Variants in MTAP observed in about 807,000 individuals in gnomAD.
MTAP encodes methylthioadenosine phosphorylase.
A neutral mutation model predicts 33.6 loss-of-function variants in MTAP; 33 were observed. The observed-to-expected ratio is 0.98, with a 90% CI of 0.74 to 1.31. The LOEUF (loss-of-function observed/expected upper bound fraction) is 1.31. Among genes scored for constraint, MTAP ranks in the 40% most tolerant of loss-of-function variants. The probability of loss-of-function intolerance (pLI) is 0.00; values close to 1 mark genes in which losing one functional copy is unlikely to be tolerated. For synonymous variants in MTAP, 148 were observed against 125.7 expected, an observed-to-expected ratio of 1.18 and a Z score of -1.19; for missense variants, 367 against 360.0, an observed-to-expected ratio of 1.02 and a Z score of -0.16.
intron 1 of MTAP, among the ~76,000 whole-genome samples, chr9:21,916,032 AAGAC>A (rs1294279007): frequency 1.4e-5 from 2 of 141,946 alleles, no homozygotes; most frequent in African/African-American, 5.1e-5. Context: ...TGTGTTTCGA[AAGAC>A]AGAGAGAAGG....
rs1255272523 is a variant in MTAP, at chr9:21,848,870, G to A, written c.451-5761G>A. On this transcript the variant is annotated intron_variant, in intron 5 of 7. Coordinates refer to ENST00000644715, the MANE Select transcript of MTAP (RefSeq NM_002451.4). ...ATTCCAAGGCAGCAGGGGCCATGGC[G>A]GCACTCAGCTGTCAAAGGCAAGGTG... is the stretch of plus-strand genomic sequence containing the variant. Among the ~76,000 whole-genome samples the A allele has an allele frequency of 2.6e-5, 4 of 152,240 alleles. No homozygotes were observed. In the East Asian group the frequency reaches 5.8e-4, roughly 22 times the overall value.
chr9:21,806,474 G>C (rs755659500), intron 1 of MTAP, among the ~76,000 whole-genome samples: 1 of 152,126 alleles, frequency 6.6e-6, no homozygotes, highest in African/African-American at 2.4e-5. Context: ...GCTGGTTAGG[G>C]GGCCAGAGGC....
chr9:21,813,725 G>C (rs1381553202), intron 1 of MTAP: 1 of 152,214 alleles, frequency 6.6e-6, no homozygotes, highest in Non-Finnish European at 1.5e-5. Context: ...GGAGCTGGCT[G>C]AGAGTAATTT....
chr9:21,848,874 C>G (rs1474853396), intron 5 of MTAP, among the ~76,000 whole-genome samples: 1 of 152,132 alleles, frequency 6.6e-6, no homozygotes, highest in Admixed American at 6.6e-5. Flanking sequence ...CATGGCGGCA[C>G]TCAGCTGTCA....
In MTAP at chr9:21,816,748, A is replaced by C; in HGVS notation, c.155A>C (p.Asn52Thr). 3 of 1,612,446 alleles carry C rather than the reference A, an allele frequency of 1.9e-6. No homozygotes were observed. Among genetic ancestry groups the C allele is most frequent in the Non-Finnish European group, 2.5e-6 (3 of 1,179,374 alleles). Residue 52 changes from asparagine (N) to threonine (T), a missense_variant, in exon 3 of 8, where the codon AAT (asparagine) becomes ACT (threonine). Transcript: ENST00000644715. ...GCCTTAATTTTGGGGAAGATAAAAA[A>C]TGTTGATTGCGTCCTCCTTGCAAGG... The part of the protein sequence containing the change: ...SDALILGKIK[N>T]VDCVLLARHG...
chr9:21,833,199 T>G (rs1825016157), intron 4 of MTAP, among the ~76,000 whole-genome samples: 1 of 152,088 alleles, frequency 6.6e-6, no homozygotes, highest in Non-Finnish European at 1.5e-5. Context: ...TCACTTCTCT[T>G]TTTTTTGAGA....
intron 1 of MTAP, among the ~76,000 whole-genome samples, chr9:21,905,426 A>C (rs111804301): frequency 2.1e-4 from 32 of 152,100 alleles, no homozygotes; most frequent in African/African-American, 7.7e-4. Flanking sequence ...TAAGGCAATA[A>C]ATTAAAACCA....
chr9:21,931,896 A>C (rs1465666244), downstream of MTAP: 1 of 152,196 alleles, frequency 6.6e-6, no homozygotes, highest in Admixed American at 6.5e-5. Flanking sequence ...GATGGCAAAA[A>C]GCAAGCTGCT....
chr9:21,853,126 A>G (rs1587248269), intron 5 of MTAP, among the ~76,000 whole-genome samples: 1 of 152,120 alleles, frequency 6.6e-6, no homozygotes, highest in South Asian at 2.1e-4. Context: ...TCCTCCTCAT[A>G]AGCATGGTAC....
intron 1 of MTAP, among the ~76,000 whole-genome samples, chr9:21,895,167 A>T (rs1818269274): frequency 6.6e-6 from 1 of 152,218 alleles, no homozygotes; most frequent in Non-Finnish European, 1.5e-5. Flanking sequence ...ATAGAATTAG[A>T]AAAAACCATT....
At chr9:21,844,083 C>T (rs943359422) in intron 5 of MTAP, among the ~76,000 whole-genome samples, 3 of 152,080 alleles carry the variant, frequency 2.0e-5, no homozygotes, top group African/African-American at 7.2e-5. Context: ...AAAGACTATT[C>T]AAGGCTACTA....
intron 5 of MTAP, among the ~76,000 whole-genome samples, chr9:21,849,033 A>C (rs1825446877): frequency 6.6e-6 from 1 of 152,186 alleles, no homozygotes. Context: ...ATTCCTACTT[A>C]ATTTACATAA....
intron 1 of MTAP, among the ~76,000 whole-genome samples, chr9:21,891,478 C>G (rs557391960): frequency 1.3e-5 from 2 of 152,112 alleles, no homozygotes; most frequent in African/African-American, 4.8e-5. Context: ...GAAAAACTCA[C>G]TACAAAAATT....
intron 1 of MTAP, among the ~76,000 whole-genome samples, chr9:21,897,344 C>T (rs1818313717): frequency 6.6e-6 from 1 of 152,200 alleles, no homozygotes; most frequent in African/African-American, 2.4e-5. Flanking sequence ...CCTCTCCCAC[C>T]ACCCCTATTC....
chr9:21,878,753 T>A (rs926855696), intron 1 of MTAP, among the ~76,000 whole-genome samples: 11 of 152,202 alleles, frequency 7.2e-5, no homozygotes, highest in Non-Finnish European at 1.6e-4. Context: ...TAGCAAGTTG[T>A]ATCTCTGTTC....
chr9:21,864,773 A>T lies in MTAP; in HGVS notation c.*2759A>T, dbSNP rs572530705. 19 of 985,384 alleles carry T rather than the reference A, an allele frequency of 1.9e-5. No individual in the cohort carries two copies. The African/African-American group carries it at 3.3e-4, about 17-fold the overall frequency. 61.0% of individuals were successfully genotyped at this position (985,384 alleles called of 1,614,324 possible). A position where few individuals can be genotyped will look rare whatever the true frequency, so the allele number is the denominator to read the frequency against. ...GAGGGAGTGACTAAGGTGACCTCCAACCTGCCCTGAGCCAGCTGCCCTGCA... is the reference window on the plus strand; with the variant it reads ...GAGGGAGTGACTAAGGTGACCTCCATCCTGCCCTGAGCCAGCTGCCCTGCA... On this transcript the variant is annotated 3_prime_UTR_variant, in exon 8 of 8. Transcript: ENST00000644715.
At chr9:21,822,032 T>C (rs1824655810) in intron 4 of MTAP, among the ~76,000 whole-genome samples, 1 of 152,212 alleles carries the variant, frequency 6.6e-6, no homozygotes, top group African/African-American at 2.4e-5. Context: ...TCTTCTTTAT[T>C]AGTCTTGCTA....
chr9:21,888,324 A>T (rs1341918961), intron 1 of MTAP, among the ~76,000 whole-genome samples: 2 of 152,098 alleles, frequency 1.3e-5, no homozygotes, highest in Non-Finnish European at 2.9e-5. Flanking sequence ...CTCTGTAAAT[A>T]TATTAATTCC....
chr9:21,906,141 T>C (rs1480730141), intron 1 of MTAP, among the ~76,000 whole-genome samples: 2 of 152,190 alleles, frequency 1.3e-5, no homozygotes, highest in African/African-American at 4.8e-5. Flanking sequence ...AAAATGAACT[T>C]GTCTTCCAAA....
Sources: gnomAD v4.1 joint callset for allele counts (sites outside exome capture counted in the v4.1 genomes callset) on GRCh38, gnomAD v4.1.1 for gene constraint, MANE v1.5 for transcripts, NCBI Gene and HGNC (gene_info 2026-07-23, HGNC 2026-07-21) for gene names.